The following CADPS2 variants were observed in gnomAD, a reference collection of about 807,000 sequenced individuals.
The protein encoded by CADPS2 is calcium dependent secretion activator 2.
Under a neutral mutation model 172.5 loss-of-function variants are expected in CADPS2, and 93 were observed. The observed-to-expected ratio is 0.54, with a 90% CI of 0.46 to 0.64. The LOEUF is 0.64. Among genes scored for constraint, CADPS2 ranks in the 30% least tolerant of loss-of-function variants. The probability of loss-of-function intolerance (pLI) is 0.00; values close to 1 mark genes in which losing one functional copy is unlikely to be tolerated. For synonymous variants in CADPS2, 546 were observed against 555.2 expected (o/e 0.98, Z 0.23); for missense variants, 1,420 against 1,565.9 (o/e 0.91, Z 1.57).
chr7:122,476,360 GA>G (rs35868467), intron 12 of CADPS2, among the ~76,000 whole-genome samples: 1 of 151,560 alleles, frequency 6.6e-6, no homozygotes, highest in East Asian at 1.9e-4. Context: ...TTTTTCCTGT[GA>G]AAAAAGTAAA....
intron 1 of CADPS2, among the ~76,000 whole-genome samples, chr7:122,845,955 C>T (rs1811883272): frequency 6.6e-6 from 1 of 152,140 alleles, no homozygotes; most frequent in South Asian, 2.1e-4. Flanking sequence ...CCTCATTCAA[C>T]ACAATGGTTA....
intron 3 of CADPS2, among the ~76,000 whole-genome samples, chr7:122,636,551 C>T (rs538660454): frequency 2.7e-4 from 41 of 150,708 alleles, no homozygotes; most frequent in South Asian, 1.9e-3. Flanking sequence ...CTGCAATCTC[C>T]GCGTCCCAGG....
chr7:122,399,551 A>G (rs947645788), intron 20 of CADPS2, among the ~76,000 whole-genome samples: 7 of 151,430 alleles, frequency 4.6e-5, no homozygotes, highest in Non-Finnish European at 8.8e-5. Flanking sequence ...TACTCAAGCT[A>G]TGCATAGCCT....
chr7:122,883,421 C>T (rs1229857927), intron 1 of CADPS2, among the ~76,000 whole-genome samples: 1 of 152,186 alleles, frequency 6.6e-6, no homozygotes, highest in African/African-American at 2.4e-5. Flanking sequence ...TCAATGACAA[C>T]AATTTCAGCT....
intron 25 of CADPS2, among the ~76,000 whole-genome samples, chr7:122,364,413 T>A (rs1409977297): frequency 1.3e-5 from 1 of 77,904 alleles, no homozygotes; most frequent in Non-Finnish European, 2.4e-5. Context: ...TGTCTCAAGT[T>A]AAAAAAAAAA....
At chr7:122,583,731 TAA>T (rs2069187128) in intron 6 of CADPS2, among the ~76,000 whole-genome samples, 1 of 151,376 alleles carries the variant, frequency 6.6e-6, no homozygotes, top group African/African-American at 2.4e-5. Flanking sequence ...ATAGCATATA[TAA>T]CAGACATCCT....
chr7:122,532,480 C>T, intron 8 of CADPS2, among the ~76,000 whole-genome samples: 1 of 152,094 alleles, frequency 6.6e-6, no homozygotes, highest in East Asian at 1.9e-4. Context: ...CAACAAAAAT[C>T]TTACATGGAC....
At chr7:122,485,631 G>A (rs1293645113) in intron 11 of CADPS2, among the ~76,000 whole-genome samples, 1 of 152,140 alleles carries the variant, frequency 6.6e-6, no homozygotes, top group Non-Finnish European at 1.5e-5. Flanking sequence ...AAACAGCAAG[G>A]GTTGATGCAG....
At chr7:122,344,092 G>A (rs2037200194) in intron 28 of CADPS2, among the ~76,000 whole-genome samples, 1 of 152,158 alleles carries the variant, frequency 6.6e-6, no homozygotes, top group South Asian at 2.1e-4. Context: ...CAAACTGACA[G>A]TGAACACTGA....
chr7:122,320,408 T>C (rs957953775), intron 29 of CADPS2, 70 bp from the exon 30 acceptor site: 89 of 1,234,408 alleles, frequency 7.2e-5, no homozygotes, highest in Non-Finnish European at 9.1e-5. Flanking sequence ...TATACTCAGT[T>C]GGCATTTCAA....
chr7:122,861,376 A>G (rs1049679373), intron 1 of CADPS2, among the ~76,000 whole-genome samples: 2 of 152,152 alleles, frequency 1.3e-5, no homozygotes, highest in South Asian at 2.1e-4. Context: ...ATTTTTTCAT[A>G]TATCTGTTGA....
Position 122,325,528 on chromosome 7 carries a change from T to G in CADPS2, c.3666A>C (p.Leu1222Phe). The G allele has an allele frequency of 6.2e-7, 1 of 1,611,654 alleles. No individual in the cohort carries two copies. ...KVICVWLTDRLDLQLHIYQLK... is the reference protein window; with the variant it reads ...KVICVWLTDRFDLQLHIYQLK... Reference sequence around the variant, plus strand: ...GCTGGTAAATATGGAGTTGGAGGTCTAATCTATCAGTCAACCACACGCAAA... The same window carrying G: ...GCTGGTAAATATGGAGTTGGAGGTCGAATCTATCAGTCAACCACACGCAAA... The change falls in exon 29 of 30, where the codon TTA (leucine) becomes TTC (phenylalanine). Residue 1222 changes from leucine to phenylalanine, a missense_variant. Transcript: ENST00000449022.
At chr7:122,799,307 T>C (rs1797049397) in intron 1 of CADPS2, among the ~76,000 whole-genome samples, 1 of 152,158 alleles carries the variant, frequency 6.6e-6, no homozygotes, top group Admixed American at 6.5e-5. Context: ...TTAAGAAGTA[T>C]AGCTATGTAG....
intron 6 of CADPS2, among the ~76,000 whole-genome samples, chr7:122,583,801 A>ATATGTATAT: frequency 6.6e-6 from 1 of 151,284 alleles, no homozygotes; most frequent in Non-Finnish European, 1.5e-5. Context: ...TATCATATAC[A>ATATGTATAT]TCACATCATA....
At chr7:122,629,069 T>A (rs1210208013) in intron 4 of CADPS2, among the ~76,000 whole-genome samples, 179 bp downstream of exon 4, 2 of 152,024 alleles carry the variant, frequency 1.3e-5, no homozygotes, top group African/African-American at 4.8e-5. Context: ...ATGAATAATA[T>A]GCTTCATTTA....
intron 2 of CADPS2, among the ~76,000 whole-genome samples, chr7:122,723,328 T>C (rs1414751189): frequency 1.3e-5 from 2 of 151,610 alleles, no homozygotes; most frequent in African/African-American, 2.4e-5. Flanking sequence ...TCAAACAAAT[T>C]TACAAGAAAA....
At chr7:122,792,993 A>G (rs980962110) in intron 1 of CADPS2, among the ~76,000 whole-genome samples, 11 of 152,196 alleles carry the variant, frequency 7.2e-5, no homozygotes, top group Non-Finnish European at 1.3e-4. Flanking sequence ...AGTGCAAATG[A>G]AAAAATTAAA....
chr7:122,615,635 A>G (rs2074816412), intron 5 of CADPS2, among the ~76,000 whole-genome samples: 1 of 152,154 alleles, frequency 6.6e-6, no homozygotes, highest in African/African-American at 2.4e-5. Flanking sequence ...CATTAAGCAG[A>G]ATCACAAATG....
chr7:122,451,551 T>TA, intron 14 of CADPS2, 76 bp from the exon 15 acceptor site: 1 of 819,538 alleles, frequency 1.2e-6, no homozygotes, highest in Non-Finnish European at 1.8e-6. Context: ...TATGTATATT[T>TA]AAAAATCCAA....
Sources: allele counts gnomAD v4.1 joint callset (sites outside exome capture counted in the v4.1 genomes callset), GRCh38; gene constraint gnomAD v4.1.1; transcripts MANE v1.5; gene names NCBI Gene and HGNC (gene_info 2026-07-23, HGNC 2026-07-21).